COLEC10: variants seen among roughly 807,000 people sequenced by gnomAD.
COLEC10 encodes the protein collectin-10.
A neutral mutation model predicts 28.4 loss-of-function variants in COLEC10; 22 were observed. The observed-to-expected ratio is 0.78, with a 90% CI of 0.55 to 1.11. COLEC10 has a LOEUF of 1.11. Among genes scored for constraint, COLEC10 ranks in the 50% least tolerant of loss-of-function variants. The pLI, the probability that COLEC10 is intolerant of heterozygous loss-of-function variation, is 0.00. For missense variants in COLEC10, 361 were observed against 344.1 expected (o/e 1.05, Z -0.39); for synonymous variants, 125 against 116.1 (o/e 1.08, Z -0.49).
intron 2 of COLEC10, among the ~76,000 whole-genome samples, chr8:119,019,048 G>T (rs1237309912): frequency 2.0e-5 from 3 of 152,088 alleles, no homozygotes; most frequent in Non-Finnish European, 4.4e-5. Context: ...TTCCCCTTCT[G>T]CAGTTACCCG....
At position 119,011,308 on chromosome 8, in the gene COLEC10, T is replaced by G. The variant is rs181522372; in HGVS notation, n.235+1755T>G. Among the ~76,000 whole-genome samples, 50 of 151,036 alleles carry G rather than the reference T, an allele frequency of 3.3e-4. 1 individual carries two copies. The East Asian group carries it at 8.7e-3, about 26-fold the overall frequency. ...GGCCATATTTATATGGGTCTATTTT[T>G]GGGCTCTCTGTTCTGATCCACCGAT... is the stretch of plus-strand genomic sequence containing the variant. On this transcript the variant is annotated intron_variant and non_coding_transcript_variant, in intron 2 of 6. Transcript: ENST00000521788.
At chr8:118,988,669 C>T in the COLEC10 span, among the ~76,000 whole-genome samples, 3 of 152,140 alleles carry the variant, frequency 2.0e-5, no homozygotes, top group Non-Finnish European at 4.4e-5. Context: ...CCACACCTTA[C>T]CATCACACTG....
At chr8:119,085,545 A>G (rs1194573471) in intron 1 of COLEC10, among the ~76,000 whole-genome samples, 1 of 149,768 alleles carries the variant, frequency 6.7e-6, no homozygotes, top group African/African-American at 2.5e-5. Flanking sequence ...ATCACAACAT[A>G]CCAGCTATCC....
the COLEC10 span, among the ~76,000 whole-genome samples, chr8:118,957,640 T>A: frequency 6.6e-6 from 1 of 152,142 alleles, no homozygotes; most frequent in Non-Finnish European, 1.5e-5. Context: ...GTGAGCGAAG[T>A]CATTTGACAT....
chr8:119,102,406 G>A lies in COLEC10; in HGVS notation c.346+5G>A, dbSNP rs73327239. On this transcript the variant is annotated splice_donor_5th_base_variant and intron_variant, in intron 4 of 5. Coordinates refer to ENST00000332843, the MANE Select transcript of COLEC10 (RefSeq NM_006438.5). ...CTGGAGAAAAAGGCAAAGCAGGTAC[G>A]ATATGTTCAATGTTCTCTTTGATTT... 4.8e-3 allele frequency: 7,779 copies of A among 1,605,140 alleles called. 318 individuals are homozygous for A. In the African/African-American group the frequency reaches 0.089, roughly 18 times the overall value.
chr8:118,965,658 GAAGT>G, the COLEC10 span, among the ~76,000 whole-genome samples: 6 of 152,000 alleles, frequency 3.9e-5, no homozygotes, highest in Non-Finnish European at 5.9e-5. Context: ...AAGCAGGGAA[GAAGT>G]AAGTAGAGTG....
At chr8:119,074,311 G>A (rs1815182649) in intron 1 of COLEC10, among the ~76,000 whole-genome samples, 1 of 152,048 alleles carries the variant, frequency 6.6e-6, no homozygotes, top group African/African-American at 2.4e-5. Flanking sequence ...GTAACACAAA[G>A]GATAAATGCT....
At chr8:119,052,975 A>G (rs2130179938) in intron 2 of COLEC10, among the ~76,000 whole-genome samples, 1 of 152,258 alleles carries the variant, frequency 6.6e-6, no homozygotes, top group Middle Eastern at 3.4e-3. Flanking sequence ...AAAATTCCAG[A>G]GAAAAACGTG....
chr8:119,005,188 C>A (rs1813772118), intron 1 of COLEC10, among the ~76,000 whole-genome samples: 1 of 152,018 alleles, frequency 6.6e-6, no homozygotes, highest in African/African-American at 2.4e-5. Flanking sequence ...ATATTCTCAA[C>A]CTTTTGAAAG....
chr8:119,047,409 C>CA (rs1317107453), intron 2 of COLEC10, among the ~76,000 whole-genome samples: 2 of 152,146 alleles, frequency 1.3e-5, no homozygotes, highest in Non-Finnish European at 2.9e-5. Context: ...TACTCAGTAA[C>CA]CAATAGTATG....
the COLEC10 span, among the ~76,000 whole-genome samples, chr8:118,988,182 A>C: frequency 2.0e-5 from 3 of 151,994 alleles, no homozygotes; most frequent in Non-Finnish European, 2.9e-5. Flanking sequence ...ACTATTAGGG[A>C]CCCCAATCTT....
intron 1 of COLEC10, 198 bp downstream of exon 1, chr8:119,067,627 G>C (rs1814997845): frequency 2.0e-6 from 1 of 512,344 alleles, no homozygotes; most frequent in Admixed American, 3.6e-5. Flanking sequence ...TTAGGTAAGA[G>C]GATGTTGGGA....
intron 1 of COLEC10, among the ~76,000 whole-genome samples, chr8:119,074,106 C>T (rs919701034): frequency 6.6e-6 from 1 of 151,726 alleles, no homozygotes; most frequent in African/African-American, 2.4e-5. Flanking sequence ...AAACACTGAA[C>T]TCATGGAGAT....
intron 1 of COLEC10, among the ~76,000 whole-genome samples, chr8:119,001,725 A>AC (rs2130063747): frequency 1.3e-5 from 2 of 150,656 alleles, no homozygotes; most frequent in African/African-American, 4.9e-5. Flanking sequence ...AAACAAACAA[A>AC]AAACCCCCAG....
intron 1 of COLEC10, among the ~76,000 whole-genome samples, chr8:119,082,409 C>T (rs1473988668): frequency 1.3e-5 from 2 of 152,168 alleles, no homozygotes; most frequent in Admixed American, 1.3e-4. Context: ...GGATGTTACT[C>T]CTTTTATTTT....
chr8:119,102,617 G>A (rs1815859949), intron 4 of COLEC10: 2 of 456,990 alleles, frequency 4.4e-6, no homozygotes, highest in Non-Finnish European at 7.7e-6. Flanking sequence ...TTTCATCCCT[G>A]CCATGCTTAC....
intron 2 of COLEC10, among the ~76,000 whole-genome samples, chr8:119,030,045 C>A (rs576965746): frequency 6.6e-6 from 1 of 152,252 alleles, no homozygotes; most frequent in East Asian, 1.9e-4. Flanking sequence ...CCTGTAAAGC[C>A]GAAGTCCCCT....
chr8:119,055,369 G>A (rs1480013084), intron 2 of COLEC10, among the ~76,000 whole-genome samples: 1 of 152,066 alleles, frequency 6.6e-6, no homozygotes, highest in Non-Finnish European at 1.5e-5. Flanking sequence ...GTGCTCTTTA[G>A]TAACTCAATC....
the COLEC10 span, among the ~76,000 whole-genome samples, chr8:118,980,052 C>G: frequency 6.6e-6 from 1 of 152,040 alleles, no homozygotes; most frequent in Non-Finnish European, 1.5e-5. Flanking sequence ...AGTCTTCTTA[C>G]AACCTAATTT....
Sources: allele counts gnomAD v4.1 joint callset (sites outside exome capture counted in the v4.1 genomes callset), GRCh38; gene constraint gnomAD v4.1.1; transcripts MANE v1.5; gene names NCBI Gene and HGNC (gene_info 2026-07-23, HGNC 2026-07-21).